DPP10: variants seen among roughly 807,000 people sequenced by gnomAD.
DPP10 encodes the protein dipeptidyl peptidase like 10, also known as inactive dipeptidyl peptidase 10.
Under a neutral mutation model 120.9 loss-of-function variants are expected in DPP10, and 33 were observed. The observed-to-expected ratio is 0.27, with a 90% CI of 0.21 to 0.37. The LOEUF is 0.37. DPP10 is among the 10% of genes least tolerant of loss of function. DPP10 has a pLI of 1.00. For synonymous variants in DPP10, 337 were observed against 326.1 expected (o/e 1.03, Z -0.36); for missense variants, 816 against 942.8 (o/e 0.87, Z 1.76).
At chr2:115,394,845 T>C (rs1383128742) in intron 3 of DPP10, among the ~76,000 whole-genome samples, 1 of 152,190 alleles carries the variant, frequency 6.6e-6, no homozygotes, top group African/African-American at 2.4e-5. Flanking sequence ...GGGAAATCCA[T>C]ACATAGTTAC....
chr2:115,188,621 A>T (rs1268368184), intron 1 of DPP10, among the ~76,000 whole-genome samples: 4 of 152,202 alleles, frequency 2.6e-5, no homozygotes, highest in Non-Finnish European at 5.9e-5. Flanking sequence ...GAGATATAGG[A>T]ATTTATACTA....
chr2:114,471,930 T>C (rs1339574064), intron 1 of DPP10, among the ~76,000 whole-genome samples: 1 of 152,192 alleles, frequency 6.6e-6, no homozygotes, highest in Non-Finnish European at 1.5e-5. Flanking sequence ...GATCTGAAAG[T>C]TGTCACAGCT....
At chr2:115,709,219 G>T (rs2092235057) in intron 7 of DPP10, among the ~76,000 whole-genome samples, 1 of 152,062 alleles carries the variant, frequency 6.6e-6, no homozygotes, top group African/African-American at 2.4e-5. Context: ...CAAGTAAGTT[G>T]AATCTCTGAT....
intron 2 of DPP10, among the ~76,000 whole-genome samples, chr2:115,343,373 G>T (rs1315120755): frequency 6.6e-6 from 1 of 152,096 alleles, no homozygotes; most frequent in Admixed American, 6.5e-5. Flanking sequence ...TTTCTGACTT[G>T]AGAGTTTAGT....
At chr2:115,708,200 G>A (rs1055458419) in intron 7 of DPP10, among the ~76,000 whole-genome samples, 10 of 152,002 alleles carry the variant, frequency 6.6e-5, no homozygotes, top group Middle Eastern at 3.4e-3. Context: ...TAACGTTTAT[G>A]TTATTATGTT....
At chr2:115,472,115 C>T (rs2074766936) in intron 3 of DPP10, among the ~76,000 whole-genome samples, 1 of 152,198 alleles carries the variant, frequency 6.6e-6, no homozygotes, top group Admixed American at 6.6e-5. Flanking sequence ...TTCTAGGTGC[C>T]TGCATGCTCT....
intron 3 of DPP10, among the ~76,000 whole-genome samples, chr2:115,357,520 C>T (rs1001957122): frequency 1.4e-4 from 22 of 152,238 alleles, no homozygotes; most frequent in Non-Finnish European, 2.1e-4. Context: ...AGGCTACAAC[C>T]TCCCTCCTGG....
intron 1 of DPP10, among the ~76,000 whole-genome samples, chr2:114,969,826 A>G (rs1699275913): frequency 6.6e-6 from 1 of 152,190 alleles, no homozygotes; most frequent in African/African-American, 2.4e-5. Flanking sequence ...ACCTGGCTCC[A>G]AACTGTTTCA....
At chr2:115,607,653 T>C (rs2083787500) in intron 5 of DPP10, among the ~76,000 whole-genome samples, 1 of 152,212 alleles carries the variant, frequency 6.6e-6, no homozygotes, top group Non-Finnish European at 1.5e-5. Flanking sequence ...TTAATGTGAA[T>C]CTGTTCCATT....
At chr2:115,325,046 C>T (rs115668748) in intron 2 of DPP10, among the ~76,000 whole-genome samples, 2,941 of 151,800 alleles carry the variant, frequency 0.019, 95 homozygotes, top group African/African-American at 0.068. Flanking sequence ...ATCAAAGATC[C>T]CTGATCACAG....
chr2:115,145,425 C>A (rs761738195), intron 1 of DPP10, among the ~76,000 whole-genome samples: 2 of 152,138 alleles, frequency 1.3e-5, no homozygotes, highest in African/African-American at 2.4e-5. Context: ...AGACTGACTT[C>A]TTTTACTTAG....
At chr2:115,506,460 A>G (rs1052837372) in intron 4 of DPP10, among the ~76,000 whole-genome samples, 1 of 152,048 alleles carries the variant, frequency 6.6e-6, no homozygotes, top group Admixed American at 6.6e-5. Flanking sequence ...TAGTCTTGAG[A>G]CTAAGGAAAA....
At chr2:115,276,510 G>A (rs1253636974) in intron 1 of DPP10, among the ~76,000 whole-genome samples, 2 of 152,178 alleles carry the variant, frequency 1.3e-5, no homozygotes, top group Non-Finnish European at 2.9e-5. Flanking sequence ...TCATCCTAGA[G>A]CAAGAACAGG....
intron 1 of DPP10, among the ~76,000 whole-genome samples, chr2:114,682,561 C>T (rs561779527): frequency 8.8e-5 from 13 of 147,838 alleles, no homozygotes; most frequent in South Asian, 2.1e-4. Flanking sequence ...AAATTGCAAT[C>T]GATGGGTAAT....
At chr2:114,705,488 A>G (rs899493506) in intron 1 of DPP10, among the ~76,000 whole-genome samples, 8 of 152,122 alleles carry the variant, frequency 5.3e-5, no homozygotes, top group Non-Finnish European at 8.8e-5. Flanking sequence ...ACTTTTCCAT[A>G]AAGAATTTAT....
chr2:115,265,806 C>T (rs1334342591), intron 1 of DPP10, among the ~76,000 whole-genome samples: 15 of 151,928 alleles, frequency 9.9e-5, no homozygotes, highest in East Asian at 1.9e-4. Flanking sequence ...GGGCCAGGCG[C>T]GGTGGCTCAC....
intron 1 of DPP10, among the ~76,000 whole-genome samples, chr2:115,222,500 TTCTCTTGTCTGC>T (rs1308896174): frequency 1.3e-5 from 2 of 152,148 alleles, no homozygotes; most frequent in Non-Finnish European, 2.9e-5. Flanking sequence ...ACAAGCCCTC[TTCTCTTGTCTGC>T]TGCCATGTGA....
At chr2:115,163,324 C>A (rs890419447) in intron 1 of DPP10, among the ~76,000 whole-genome samples, 1 of 152,162 alleles carries the variant, frequency 6.6e-6, no homozygotes, top group Non-Finnish European at 1.5e-5. Context: ...CTTGCGGTTT[C>A]TTTTCTCCTC....
rs1198617382 is a variant in DPP10, at chr2:115,844,217, A to T, written c.*1872A>T. The T allele has an allele frequency of 6.6e-6, 1 of 152,554 alleles. No homozygotes were observed. The highest frequency in any genetic ancestry group is 6.6e-5 in the Admixed American group (1 of 15,256). The allele number at this position is 152,554 out of a possible 1,614,324, so 9.5% of individuals were successfully genotyped here. On this transcript the variant is annotated 3_prime_UTR_variant, in exon 26 of 26. Coordinates refer to ENST00000410059, the MANE Select transcript of DPP10 (RefSeq NM_020868.6). ...GAAATTTCTTTTTAGGCTAATTTGA[A>T]ATCCAACTGAAGCTTTTTAACCAAT...
Sources: gnomAD v4.1 joint callset for allele counts (sites outside exome capture counted in the v4.1 genomes callset) on GRCh38, gnomAD v4.1.1 for gene constraint, MANE v1.5 for transcripts, NCBI Gene and HGNC (gene_info 2026-07-23, HGNC 2026-07-21) for gene names.